The following TMEM171 variants were observed in gnomAD, a reference collection of about 807,000 sequenced individuals.
TMEM171 encodes proline-rich protein PRP2.
Under a neutral mutation model 19.1 loss-of-function variants are expected in TMEM171, and 16 were observed. The ratio of observed to expected loss-of-function variants is 0.84; its 90% CI spans 0.57 to 1.27. The LOEUF is 1.27. Among genes scored for constraint, TMEM171 ranks in the 50% most tolerant of loss-of-function variants. TMEM171 has a pLI of 0.00. For synonymous variants in TMEM171, 153 were observed against 163.4 expected, an observed-to-expected ratio of 0.94 and a Z score of 0.48; for missense variants, 429 against 412.7, an observed-to-expected ratio of 1.04 and a Z score of -0.34.
chr5:73,121,662 T>G (rs929339215), intron 1 of TMEM171, among the ~76,000 whole-genome samples: 2 of 152,218 alleles, frequency 1.3e-5, no homozygotes, highest in African/African-American at 4.8e-5. Flanking sequence ...CCTCCTATAT[T>G]TCCTTTTTTT....
intron 1 of TMEM171, among the ~76,000 whole-genome samples, chr5:73,121,768 C>T (rs1744014300): frequency 6.6e-6 from 1 of 152,152 alleles, no homozygotes; most frequent in Non-Finnish European, 1.5e-5. Flanking sequence ...ACTGACCTTC[C>T]CTCAGTGTGA....
chr5:73,131,224 AGTGT>A (rs56793908), intron 3 of TMEM171, among the ~76,000 whole-genome samples: 3 of 149,856 alleles, frequency 2.0e-5, no homozygotes, highest in Non-Finnish European at 4.5e-5. Flanking sequence ...GAGAACAGTA[AGTGT>A]GTGTGTGTGT....
Position 73,128,403 on chromosome 5 carries a change from A to G in TMEM171, c.654A>G (p.Ile218Met), listed in dbSNP as rs891673132. The G allele has an allele frequency of 1.2e-6, 2 of 1,614,102 alleles. No homozygotes were observed. The highest frequency in any genetic ancestry group is 1.7e-6 in the Non-Finnish European group (2 of 1,180,004). ...GTTTTGCCTTAGGTGACTCGGTAAT[A>G]ATATTTCCACCCCCTCCACCACCTT... The part of the protein sequence containing the change: ...PVQVTVGDSV[I>M]IFPPPPPPYF... The change falls in exon 3 of 4, where the codon ATA (isoleucine) becomes ATG (methionine). Residue 218 changes from isoleucine (I) to methionine (M), a missense_variant. Transcript: ENST00000454765.
chr5:73,124,538 C>A (rs908127736), intron 2 of TMEM171, among the ~76,000 whole-genome samples: 22 of 152,220 alleles, frequency 1.4e-4, no homozygotes, highest in Non-Finnish European at 3.1e-4. Flanking sequence ...AAGATTCCTG[C>A]AGCACTAACA....
intron 2 of TMEM171, among the ~76,000 whole-genome samples, chr5:73,126,688 C>T (rs1024138109): frequency 6.6e-6 from 1 of 152,190 alleles, no homozygotes; most frequent in Non-Finnish European, 1.5e-5. Context: ...TCAAGGAGGT[C>T]GCCTAGCTTG....
intron 2 of TMEM171, 69 bp from the exon 3 acceptor site, chr5:73,128,321 A>T: frequency 1.9e-6 from 3 of 1,573,146 alleles, no homozygotes; most frequent in Non-Finnish European, 2.6e-6. Context: ...TATATAATTA[A>T]TTTTGCTTTT....
chr5:73,130,897 T>C (rs1242769395), intron 3 of TMEM171, among the ~76,000 whole-genome samples: 1 of 152,204 alleles, frequency 6.6e-6, no homozygotes, highest in African/African-American at 2.4e-5. Context: ...GCTGCTACTA[T>C]GATTTCTGTG....
In TMEM171 at chr5:73,131,702, C is replaced by G. The variant is rs142683782; in HGVS notation, c.947C>G (p.Pro316Arg). Residue 316 changes from proline to arginine, a missense_variant, in exon 4 of 4, where the codon CCT becomes CGT. By Grantham distance (103) the Pro-to-Arg change is moderately radical (BLOSUM62 -2). Coordinates refer to ENST00000454765, the MANE Select transcript of TMEM171 (RefSeq NM_173490.8). ...GAAAATGCTGCAGCTACATTCTTGC[C>G]TCTATCTTCTGAGCCTTCCCCACCG... ...EKENAAATFLPLSSEPSPP is the reference protein window; with the variant it reads ...EKENAAATFLRLSSEPSPP 1.2e-6 allele frequency: 2 copies of G among 1,613,128 alleles called. No homozygotes were observed. Among genetic ancestry groups the G allele is most frequent in the Non-Finnish European group, 1.7e-6 (2 of 1,179,644 alleles).
At chr5:73,121,440 C>T (rs561071669) in intron 1 of TMEM171, among the ~76,000 whole-genome samples, 1 of 152,284 alleles carries the variant, frequency 6.6e-6, no homozygotes, top group Admixed American at 6.5e-5. Flanking sequence ...TTTCAGGACT[C>T]TCCATCGTTT....
At chr5:73,122,721 A>C (rs1744037254) in intron 1 of TMEM171, among the ~76,000 whole-genome samples, 1 of 152,220 alleles carries the variant, frequency 6.6e-6, no homozygotes, top group South Asian at 2.1e-4. Context: ...TTTTGATAGA[A>C]TCAACTTAAA....
rs368542341 is a variant in TMEM171 at position 73,124,026 on chromosome 5, T to C, written c.640+13T>C. The stretch of plus-strand genomic sequence containing the variant: ...CAGGTCACTGTAGGTGGGTTGCTGT[T>C]ATTTGCGTTCTTGCTTCTATCACAG... On this transcript the variant is annotated intron_variant, in intron 2 of 3. Transcript: ENST00000454765. 446 of 1,517,428 alleles carry C rather than the reference T, an allele frequency of 2.9e-4. 2 individuals are homozygous for C. The highest frequency in any genetic ancestry group is 2.0e-3 in the South Asian group (149 of 74,590). 94.0% of individuals were successfully genotyped at this position (1,517,428 alleles called of 1,614,324 possible). A position where few individuals can be genotyped will look rare whatever the true frequency, so the allele number is the denominator to read the frequency against.
chr5:73,127,092 G>A (rs1393629290), intron 2 of TMEM171, among the ~76,000 whole-genome samples: 6 of 152,132 alleles, frequency 3.9e-5, no homozygotes, highest in Non-Finnish European at 5.9e-5. Context: ...GTTAGGGGCT[G>A]TAATATGGCT....
chr5:73,123,052 A>T (rs982576666), intron 1 of TMEM171, among the ~76,000 whole-genome samples: 5 of 152,210 alleles, frequency 3.3e-5, no homozygotes, highest in Non-Finnish European at 7.3e-5. Context: ...TTCAGTTTTT[A>T]AAAAAGATAC....
chr5:73,124,135 T>TGA, intron 2 of TMEM171, 122 bp downstream of exon 2: 1 of 868,462 alleles, frequency 1.2e-6, no homozygotes, highest in Non-Finnish European at 1.7e-6. Context: ...CACACATGTG[T>TGA]GTGCACACGC....
chr5:73,123,576 T>A lies in TMEM171; in HGVS notation c.203T>A (p.Val68Glu), dbSNP rs1317340406. The A allele has an allele frequency of 1.9e-6, 3 of 1,614,144 alleles. No homozygotes were observed. In the Admixed American group the frequency reaches 5.0e-5, roughly 27 times the overall value. The change falls in exon 2 of 4, where the codon GTG becomes GAG. Residue 68 changes from valine (V) to glutamate (E), a missense_variant. Val to Glu is a moderately radical substitution (Grantham distance 121). Coordinates refer to ENST00000454765, the MANE Select transcript of TMEM171 (RefSeq NM_173490.8). ...AAGGTGGCGGGGCCTGCATGTGCCG[T>A]GGTTGGGCTTGGGGCTGTGATCCTG... ...VLKVAGPACA[V>E]VGLGAVILAR...
intron 1 of TMEM171, among the ~76,000 whole-genome samples, chr5:73,122,337 C>T (rs1033466033): frequency 6.6e-6 from 1 of 152,188 alleles, no homozygotes; most frequent in African/African-American, 2.4e-5. Flanking sequence ...CAACACTTTC[C>T]AGGGTCATCC....
rs143249715 is a variant in TMEM171, at chr5:73,127,884, G to A, written c.641-506G>A. ...GCCTTCCGAGTAGCTGGGACTGCAG[G>A]CGTGTACTCCCACATCTGGCTAAAT... On this transcript the variant is annotated intron_variant, in intron 2 of 3. Coordinates refer to ENST00000454765, the MANE Select transcript of TMEM171 (RefSeq NM_173490.8). 6.7e-4 allele frequency among the ~76,000 whole-genome samples: 102 copies of A among 151,946 alleles called. 4 individuals carry two copies. In the East Asian group the frequency reaches 0.02, roughly 29 times the overall value.
At chr5:73,122,005 C>T (rs2112918315) in intron 1 of TMEM171, among the ~76,000 whole-genome samples, 1 of 152,306 alleles carries the variant, frequency 6.6e-6, no homozygotes, top group East Asian at 1.9e-4. Flanking sequence ...ATAATTAGGT[C>T]AGCTCTGTGT....
In TMEM171 at chr5:73,123,276, C is replaced by T. The variant is rs1261022997; in HGVS notation, c.-68-30C>T. 25 of 1,512,966 alleles carry T rather than the reference C, an allele frequency of 1.7e-5. No homozygotes were observed. The East Asian group carries it at 2.0e-4, about 12-fold the overall frequency. The allele number at this position is 1,512,966 out of a possible 1,614,324, so 93.7% of individuals were successfully genotyped here. A position where few individuals can be genotyped will look rare whatever the true frequency, so the allele number is the denominator to read the frequency against. On this transcript the variant is annotated intron_variant, in intron 1 of 3. Transcript: ENST00000454765. ...GGTGGTTCTGGAACACCTGTGCCCA[C>T]GTTAATTTGGTGTTTGGTTGTGTTT...
Sources: gnomAD v4.1 joint callset for allele counts (sites outside exome capture counted in the v4.1 genomes callset) on GRCh38, gnomAD v4.1.1 for gene constraint, MANE v1.5 for transcripts, NCBI Gene and HGNC (gene_info 2026-07-23, HGNC 2026-07-21) for gene names.